PFKM: variants seen among roughly 807,000 people sequenced by gnomAD.
The protein encoded by PFKM is phosphofructokinase, muscle.
PFKM carries 58 observed loss-of-function variants against 95.5 expected under a neutral mutation model. The ratio of observed to expected loss-of-function variants is 0.61; its 90% CI spans 0.49 to 0.76. The LOEUF (loss-of-function observed/expected upper bound fraction) is 0.76, where lower values mean the gene tolerates loss of function less well. PFKM is among the 30% of genes least tolerant of loss of function. PFKM has a pLI of 0.00. For missense variants in PFKM, 678 were observed against 1,005.4 expected, an observed-to-expected ratio of 0.67 and a Z score of 4.40; for synonymous variants, 336 against 357.2, an observed-to-expected ratio of 0.94 and a Z score of 0.67.
At chr12:48,106,507 A>G (rs1470956099) in intron 1 of PFKM, 4 of 260,832 alleles carry the variant, frequency 1.5e-5, no homozygotes, top group South Asian at 9.5e-5. Flanking sequence ...ATCTCAGGCT[A>G]TCTCGTGTTT....
At chr12:48,137,387 A>G (rs1009131318) in intron 10 of PFKM, 6 of 379,770 alleles carry the variant, frequency 1.6e-5, no homozygotes, top group African/African-American at 1.3e-4. Context: ...CTCTTATCCT[A>G]TCTTCACTGG....
chr12:48,119,227 A>G (rs1947936937), upstream of PFKM: 9 of 974,908 alleles, frequency 9.2e-6, no homozygotes, highest in Non-Finnish European at 1.1e-5. Context: ...GAGAAAGGCA[A>G]GCAGGAGGAG....
intron 3 of PFKM, among the ~76,000 whole-genome samples, chr12:48,109,092 C>G (rs1201701237): frequency 6.6e-6 from 1 of 152,178 alleles, no homozygotes; most frequent in African/African-American, 2.4e-5. Context: ...AGACACTTTC[C>G]CTGTTCCCTA....
intron 10 of PFKM, chr12:48,137,371 T>TA (rs1274899193): frequency 2.8e-6 from 1 of 351,986 alleles, no homozygotes; most frequent in African/African-American, 2.1e-5. Flanking sequence ...ACACTCAGTT[T>TA]AAACCCTCTT....
chr12:48,107,157 ACT>A (rs1456008702), intron 1 of PFKM, among the ~76,000 whole-genome samples: 1 of 152,034 alleles, frequency 6.6e-6, no homozygotes, highest in Non-Finnish European at 1.5e-5. Context: ...CCTTTCTGAT[ACT>A]CTCAGCAGCT....
intron 2 of PFKM, among the ~76,000 whole-genome samples, chr12:48,125,722 T>G (rs11168422): frequency 0.18 from 28,035 of 151,876 alleles, 2,762 homozygotes; most frequent in East Asian, 0.24. Flanking sequence ...GCCTCTCAAG[T>G]AGCTGAGACC....
At chr12:48,105,429 T>C (rs747584037), upstream of PFKM, 5 of 518,716 alleles carry the variant, frequency 9.6e-6, 1 homozygote, top group Middle Eastern at 1.6e-3. Flanking sequence ...GGTAAGCAAA[T>C]TGTGGCAGTT....
At position 48,134,329 on chromosome 12, in the gene PFKM, C is replaced by G. The variant is rs1020582308; in HGVS notation, c.638+53C>G. 16 of 1,486,280 alleles carry G rather than the reference C, an allele frequency of 1.1e-5. No homozygotes were observed. In the East Asian group the frequency reaches 3.6e-4, roughly 34 times the overall value. The allele number at this position is 1,486,280 out of a possible 1,614,324, so 92.1% of individuals were successfully genotyped here. ...TCCGTGGACCTAGCGATAGCCCTTTCCTTTTCCCCAGAGAGTCCAGTGAGG... is the reference window on the plus strand; with the variant it reads ...TCCGTGGACCTAGCGATAGCCCTTTGCTTTTCCCCAGAGAGTCCAGTGAGG... On this transcript the variant is annotated intron_variant, in intron 7 of 22. Coordinates refer to ENST00000359794, the MANE Select transcript of PFKM (RefSeq NM_000289.6).
chr12:48,111,202 G>A (rs1947156211), intron 3 of PFKM, among the ~76,000 whole-genome samples: 2 of 152,178 alleles, frequency 1.3e-5, no homozygotes, highest in Non-Finnish European at 2.9e-5. Flanking sequence ...GCATTCCAAA[G>A]GAGTGCTGCT....
intron 4 of PFKM, chr12:48,131,933 GCTAGCCCACAGTGA>G (rs1387065024): frequency 9.0e-6 from 4 of 444,698 alleles, no homozygotes; most frequent in Non-Finnish European, 1.8e-5. Flanking sequence ...TCCACTGTGG[GCTAGCCCACAGTGA>G]GTGAGAGAAA....
At chr12:48,122,979 A>G in intron 2 of PFKM, 120 bp downstream of exon 2, 1 of 952,912 alleles carries the variant, frequency 1.0e-6, no homozygotes, top group South Asian at 1.4e-5. Context: ...TTTGCTAAAA[A>G]TTTCTGTGAG....
At chr12:48,128,485 T>C (rs951544744) in intron 2 of PFKM, among the ~76,000 whole-genome samples, 3 of 152,164 alleles carry the variant, frequency 2.0e-5, no homozygotes, top group African/African-American at 7.2e-5. Flanking sequence ...TTTATCTTGG[T>C]ATTCCCAGAC....
At position 48,145,677 on chromosome 12, in the gene PFKM, C is replaced by G. The variant is rs201190252; in HGVS notation, c.2312C>G (p.Thr771Ser). 3.7e-6 allele frequency: 6 copies of G among 1,614,198 alleles called. No homozygotes were observed. The Admixed American group carries it at 1.0e-4, about 27-fold the overall frequency. The change falls in exon 23 of 23, where the codon ACC becomes AGC. Residue 771 changes from threonine to serine, a missense_variant. Coordinates refer to ENST00000359794, the MANE Select transcript of PFKM (RefSeq NM_000289.6). The surrounding 1 kb of genome is among the most constrained non-coding windows in gnomAD (Gnocchi z 4.3). Reference protein sequence around the residue: ...TSDHAHLEHITRKRSGEAAV With the variant: ...TSDHAHLEHISRKRSGEAAV ...GACCATGCCCACCTGGAGCACATCACCCGGAAGCGGTCCGGGGAAGCTGCC... is the reference window on the plus strand; with the variant it reads ...GACCATGCCCACCTGGAGCACATCAGCCGGAAGCGGTCCGGGGAAGCTGCC...
chr12:48,135,546 T>G (rs1342130864), intron 10 of PFKM, among the ~76,000 whole-genome samples, 163 bp downstream of exon 10: 2 of 152,204 alleles, frequency 1.3e-5, no homozygotes, highest in African/African-American at 4.8e-5. Flanking sequence ...CCCATACACT[T>G]GAGGGTTCTC....
intron 2 of PFKM, 112 bp from the exon 3 acceptor site, chr12:48,130,251 G>GACT: frequency 1.3e-6 from 1 of 799,580 alleles, no homozygotes. Context: ...TCAGAGAAAA[G>GACT]ACTAAATAAA....
chr12:48,107,443 C>T, exon 2 of PFKM: 1 of 1,592,736 alleles, frequency 6.3e-7, no homozygotes, highest in Non-Finnish European at 8.5e-7. Flanking sequence ...AGTCAGGACT[C>T]CTCAGAGAAC....
intron 5 of PFKM, 99 bp from the exon 6 acceptor site, chr12:48,133,216 C>A: frequency 3.8e-6 from 5 of 1,315,408 alleles, no homozygotes; most frequent in Non-Finnish European, 5.5e-6. Context: ...GTATTGTCTA[C>A]AATTCCTTTT....
rs1365982302 is a variant in PFKM, at chr12:48,146,213, G to C, written c.*505G>C. On this transcript the variant is annotated 3_prime_UTR_variant, in exon 23 of 23. Transcript: ENST00000359794. Reference sequence around the variant, plus strand: ...TAAAGACGTTAAGGGTATCACAGGGGGTGGAGGAAGGGATTATCTCTAGTA... The same window carrying C: ...TAAAGACGTTAAGGGTATCACAGGGCGTGGAGGAAGGGATTATCTCTAGTA... 5.6e-6 allele frequency: 1 copy of C among 179,028 alleles called. No homozygotes were observed. The highest frequency in any genetic ancestry group is 1.4e-4 in the East Asian group (1 of 6,976). 11.1% of individuals were successfully genotyped at this position (179,028 alleles called of 1,614,324 possible). A position where few individuals can be genotyped will look rare whatever the true frequency, so the allele number is the denominator to read the frequency against.
In PFKM at chr12:48,140,852, A is replaced by T; in HGVS notation, c.1322A>T (p.Glu441Val). The stretch of plus-strand genomic sequence containing the variant: ...GTGCTCGTTGTCCATGATGGTTTCG[A>T]GGGCCTGGCCAAGGGGCAGGTATGG... Reference protein sequence around the residue: ...NRVLVVHDGFEGLAKGQIEEA... With the variant: ...NRVLVVHDGFVGLAKGQIEEA... The change falls in exon 14 of 23, where the codon GAG (glutamate) becomes GTG (valine). Residue 441 changes from glutamate to valine, a missense_variant. Physicochemically the swap from Glu to Val is moderately radical, Grantham distance 121. Coordinates refer to ENST00000359794, the MANE Select transcript of PFKM (RefSeq NM_000289.6). The T allele has an allele frequency of 6.2e-7, 1 of 1,614,160 alleles. No individual in the cohort carries two copies. The highest frequency in any genetic ancestry group is 8.5e-7 in the Non-Finnish European group (1 of 1,180,036).
Sources: gnomAD v4.1 joint callset for allele counts (sites outside exome capture counted in the v4.1 genomes callset) on GRCh38, gnomAD v4.1.1 for gene constraint, Gnocchi (gnomAD v3.1) non-coding constraint, MANE v1.5 for transcripts, NCBI Gene and HGNC (gene_info 2026-07-23, HGNC 2026-07-21) for gene names.